The following SYN3 variants were observed in gnomAD, a reference collection of about 807,000 sequenced individuals.
SYN3 encodes synapsin-3.
SYN3 carries 35 observed loss-of-function variants against 65.8 expected under a neutral mutation model. The observed-to-expected ratio is 0.53, with a 90% confidence interval of 0.41 to 0.70. SYN3 has a LOEUF of 0.70. SYN3 is among the 30% of genes least tolerant of loss of function. The probability of loss-of-function intolerance (pLI) is 0.00; values close to 1 mark genes in which losing one functional copy is unlikely to be tolerated. For synonymous variants in SYN3, 270 were observed against 292.9 expected (o/e 0.92, Z 0.80); for missense variants, 680 against 749.0 (o/e 0.91, Z 1.08).
At chr22:32,661,469 C>T (rs973396977) in intron 6 of SYN3, among the ~76,000 whole-genome samples, 21 of 152,376 alleles carry the variant, frequency 1.4e-4, no homozygotes, top group Middle Eastern at 6.8e-3. Flanking sequence ...CTGTAGAAGC[C>T]GAGAATTCCA....
intron 6 of SYN3, 23 bp downstream of exon 6, chr22:32,864,892 A>T: frequency 6.2e-7 from 1 of 1,601,936 alleles, no homozygotes; most frequent in Non-Finnish European, 8.6e-7. Context: ...ATGCAAAGAA[A>T]CAGAGTAAAA....
At chr22:32,803,506 G>C (rs2046646603) in intron 6 of SYN3, among the ~76,000 whole-genome samples, 2 of 152,116 alleles carry the variant, frequency 1.3e-5, no homozygotes, top group African/African-American at 4.8e-5. Context: ...GGCTCCCTGG[G>C]GCCTGCATGG....
intron 4 of SYN3, among the ~76,000 whole-genome samples, chr22:32,902,615 A>G (rs1488706539): frequency 6.6e-6 from 1 of 152,146 alleles, no homozygotes; most frequent in African/African-American, 2.4e-5. Context: ...AGAGCTGTTC[A>G]CTCCAAAGCA....
intron 6 of SYN3, among the ~76,000 whole-genome samples, chr22:32,617,871 G>C (rs540830560): frequency 6.6e-6 from 1 of 151,978 alleles, no homozygotes; most frequent in Non-Finnish European, 1.5e-5. Flanking sequence ...GAGTCTAGGT[G>C]GGCGACCTGC....
chr22:32,675,075 T>C (rs1450693883), intron 6 of SYN3, among the ~76,000 whole-genome samples: 1 of 152,198 alleles, frequency 6.6e-6, no homozygotes, highest in Non-Finnish European at 1.5e-5. Context: ...GTCTGAGCTC[T>C]TGTTTCATGG....
At chr22:32,811,036 A>G (rs188538309) in intron 6 of SYN3, among the ~76,000 whole-genome samples, 9 of 152,304 alleles carry the variant, frequency 5.9e-5, no homozygotes. Flanking sequence ...GAAATACTTC[A>G]TGGAATGTTT....
At chr22:32,520,610 C>A (rs2057863955) in intron 12 of SYN3, among the ~76,000 whole-genome samples, 1 of 152,210 alleles carries the variant, frequency 6.6e-6, no homozygotes, top group Non-Finnish European at 1.5e-5. Context: ...GTCCTCATAA[C>A]ATCTTTATTG....
At chr22:32,973,415 A>ACC (rs145370290) in intron 3 of SYN3, among the ~76,000 whole-genome samples, 1,801 of 152,030 alleles carry the variant, frequency 0.012, 33 homozygotes, top group African/African-American at 0.041. Context: ...TACTACTTTT[A>ACC]CCCCCGCCAA....
intron 6 of SYN3, among the ~76,000 whole-genome samples, chr22:32,678,980 CT>C (rs2060484379): frequency 2.8e-5 from 4 of 145,374 alleles, no homozygotes; most frequent in Admixed American, 2.0e-4. Context: ...AGGATTTTTT[CT>C]TTTTTTAAGG....
At chr22:32,602,581 C>T (rs556536880) in intron 6 of SYN3, among the ~76,000 whole-genome samples, 1 of 152,272 alleles carries the variant, frequency 6.6e-6, no homozygotes, top group South Asian at 2.1e-4. Context: ...CCTGCCTCAG[C>T]CTCCTGAGTA....
chr22:32,854,683 T>A (rs558225550), intron 6 of SYN3, among the ~76,000 whole-genome samples: 1 of 152,212 alleles, frequency 6.6e-6, no homozygotes, highest in South Asian at 2.1e-4. Context: ...ATAGAAGAAG[T>A]CATCATCGTG....
intron 6 of SYN3, among the ~76,000 whole-genome samples, chr22:32,735,188 C>T (rs1018906104): frequency 6.6e-6 from 1 of 152,178 alleles, no homozygotes; most frequent in Non-Finnish European, 1.5e-5. Flanking sequence ...TGGCAGGCTC[C>T]TGGATCAGAT....
At chr22:33,008,972 G>GAA (rs2053277034) in intron 1 of SYN3, among the ~76,000 whole-genome samples, 1 of 94,830 alleles carries the variant, frequency 1.1e-5, no homozygotes, top group Non-Finnish European at 2.3e-5. Flanking sequence ...AAGAGAGAGA[G>GAA]AGAAAAGAAA....
chr22:32,777,442 G>T (rs5754273), intron 6 of SYN3, among the ~76,000 whole-genome samples: 107,209 of 151,780 alleles, frequency 0.71, 38,410 homozygotes, highest in African/African-American at 0.83. Context: ...GAAAAGTCCT[G>T]ACTCGGTGCA....
chr22:33,053,600 T>A (rs894443884), intron 1 of SYN3, among the ~76,000 whole-genome samples: 2 of 152,176 alleles, frequency 1.3e-5, no homozygotes, highest in African/African-American at 4.8e-5. Context: ...AGTTGGAGAA[T>A]GCCAGGAACC....
intron 1 of SYN3, among the ~76,000 whole-genome samples, chr22:33,036,678 CTTTTTTTTTTTTTTT>C (rs133977): frequency 1.4e-4 from 14 of 99,538 alleles, no homozygotes; most frequent in African/African-American, 1.4e-4. Context: ...AGCCCAAGTT[CTTTTTTTTTTTTTTT>C]TTTTTTTTTT....
chr22:32,857,213 G>T (rs767291085), intron 6 of SYN3: 1 of 1,545,394 alleles, frequency 6.5e-7, no homozygotes, highest in South Asian at 1.1e-5. Flanking sequence ...GTCCAAACTG[G>T]GAAAGAAGAA....
intron 6 of SYN3, among the ~76,000 whole-genome samples, chr22:32,754,282 G>C (rs2045228992): frequency 6.6e-6 from 1 of 152,112 alleles, no homozygotes; most frequent in African/African-American, 2.4e-5. Context: ...CTCTCAAGTA[G>C]CTGGGATTAC....
intron 7 of SYN3, among the ~76,000 whole-genome samples, chr22:32,587,965 C>T (rs2059074445): frequency 6.6e-6 from 1 of 152,170 alleles, no homozygotes; most frequent in South Asian, 2.1e-4. Context: ...CCACCATTTA[C>T]TGCTTGTGCC....
Sources: gnomAD v4.1 joint callset for allele counts (sites outside exome capture counted in the v4.1 genomes callset) on GRCh38, gnomAD v4.1.1 for gene constraint, MANE v1.5 for transcripts, NCBI Gene and HGNC (gene_info 2026-07-23, HGNC 2026-07-21) for gene names.